Variants in MORN1 observed in about 807,000 individuals in gnomAD.
The protein encoded by MORN1 is MORN repeat-containing protein 1.
MORN1 carries 67 observed loss-of-function variants against 61.9 expected under a neutral mutation model. That is an observed-to-expected ratio of 1.08 (90% CI 0.89 to 1.33). The LOEUF (loss-of-function observed/expected upper bound fraction) is 1.33. Ranked by LOEUF, MORN1 falls within the 40% of genes most tolerant of loss-of-function variation. The pLI is 0.00. For missense variants in MORN1, 752 were observed against 691.2 expected (o/e 1.09, Z -0.99); for synonymous variants, 301 against 292.0 (o/e 1.03, Z -0.31).
At chr1:2,333,100 C>T (rs1015004632) in intron 12 of MORN1, among the ~76,000 whole-genome samples, 31 of 152,244 alleles carry the variant, frequency 2.0e-4, no homozygotes, top group Non-Finnish European at 2.1e-4. Context: ...GATAAAAAGG[C>T]GACCAGGTGT....
At chr1:2,388,636 A>T (rs1325699115) in intron 2 of MORN1, 1 of 340,236 alleles carries the variant, frequency 2.9e-6, no homozygotes, top group Non-Finnish European at 5.5e-6. Context: ...AAAATTAGCC[A>T]GGTGTGGTGG....
At position 2,352,196 on chromosome 1, in the gene MORN1, AAAG is replaced by A. The variant is rs545501598; in HGVS notation, c.1036+5233_1036+5235del. On this transcript the variant is annotated intron_variant, in intron 10 of 13. Transcript: ENST00000378531. ...TAAATGTATAGAGCAATTAAAAAAA[AAAG>A]AAGAAGGGGAGGGTGCTTCTCCTTG... 590 of 220,502 alleles carry A rather than the reference AAAG, an allele frequency of 2.7e-3. 3 individuals carry two copies. The highest frequency in any genetic ancestry group is 7.2e-3 in the South Asian group (82 of 11,394). 13.7% of individuals were successfully genotyped at this position (220,502 alleles called of 1,614,324 possible). A position where few individuals can be genotyped will look rare whatever the true frequency, so the allele number is the denominator to read the frequency against.
intron 10 of MORN1, among the ~76,000 whole-genome samples, chr1:2,346,564 T>G (rs960068827): frequency 1.3e-5 from 2 of 152,058 alleles, no homozygotes; most frequent in African/African-American, 4.8e-5. Context: ...TTTTGTATTT[T>G]TAGTAGGGAT....
chr1:2,331,819 C>T (rs893094494), intron 12 of MORN1, among the ~76,000 whole-genome samples: 5 of 151,894 alleles, frequency 3.3e-5, no homozygotes, highest in Admixed American at 6.6e-5. Flanking sequence ...GCGCCTCTCC[C>T]GCCGCTGCGC....
At chr1:2,330,438 G>GC (rs1006278395) in intron 12 of MORN1, among the ~76,000 whole-genome samples, 2 of 152,278 alleles carry the variant, frequency 1.3e-5, no homozygotes, top group African/African-American at 4.8e-5. Context: ...CAGGTGAGGA[G>GC]CCCAGGTGCT....
chr1:2,345,888 C>T (rs892993731), intron 10 of MORN1, among the ~76,000 whole-genome samples: 1 of 152,000 alleles, frequency 6.6e-6, no homozygotes, highest in Non-Finnish European at 1.5e-5. Flanking sequence ...ACGCACACCC[C>T]GAGCTCACAC....
chr1:2,337,486 C>A lies in MORN1; in HGVS notation c.1037-636G>T, dbSNP rs1641305643. On this transcript the variant is annotated intron_variant, in intron 10 of 13. Transcript: ENST00000378531. The surrounding 1 kb of genome is among the most constrained non-coding windows in gnomAD (Gnocchi z 5.7). ...CCTTGCCCAACCTAGCTTTTTCCAGCCCCTCTCCCGGGGTCCCAGGGTGCG... is the reference window on the plus strand; with the variant it reads ...CCTTGCCCAACCTAGCTTTTTCCAGACCCTCTCCCGGGGTCCCAGGGTGCG... 6.6e-6 allele frequency among the ~76,000 whole-genome samples: 1 copy of A among 152,208 alleles called. No homozygotes were observed. The highest frequency in any genetic ancestry group is 6.5e-5 in the Admixed American group (1 of 15,284).
At chr1:2,355,394 C>G (rs1203160205) in intron 10 of MORN1, 1 of 1,549,378 alleles carries the variant, frequency 6.5e-7, no homozygotes, top group African/African-American at 1.4e-5. Context: ...ATGAATGACG[C>G]CTGCGCTTGC....
intron 10 of MORN1, chr1:2,355,483 G>T (rs946059082): frequency 1.8e-5 from 28 of 1,550,156 alleles, no homozygotes; most frequent in Admixed American, 1.6e-4. Context: ...ACAGACCCCC[G>T]AGGCTCTGAG....
chr1:2,341,702 A>G (rs991644166), intron 10 of MORN1, among the ~76,000 whole-genome samples: 1 of 143,672 alleles, frequency 7.0e-6, no homozygotes, highest in African/African-American at 2.5e-5. Context: ...GAAAAAAAAA[A>G]AAAAAAAAGA....
chr1:2,357,344 C>G lies in MORN1; in HGVS notation c.1036+88G>C, dbSNP rs1388692870. The G allele has an allele frequency of 5.5e-6, 8 of 1,446,750 alleles. No homozygotes were observed. The highest frequency in any genetic ancestry group is 1.9e-6 in the Non-Finnish European group (2 of 1,070,352). 89.6% of individuals were successfully genotyped at this position (1,446,750 alleles called of 1,614,324 possible). ...GGGTGCGGCTTGCTCCTGCTCTGGC[C>G]TGGTTCTGGGTCCCCATGACCCCAC... On this transcript the variant is annotated intron_variant, in intron 10 of 13. Coordinates refer to ENST00000378531, the MANE Select transcript of MORN1 (RefSeq NM_024848.3). The surrounding 1 kb of genome is among the most constrained non-coding windows in gnomAD (Gnocchi z 6.3).
At chr1:2,379,914 G>GAGTT (rs1271831974) in intron 6 of MORN1, among the ~76,000 whole-genome samples, 1 of 152,214 alleles carries the variant, frequency 6.6e-6, no homozygotes, top group African/African-American at 2.4e-5. Context: ...GGGCCTTGAA[G>GAGTT]AGTTCTCTGT....
chr1:2,391,459 G>C lies in MORN1; in HGVS notation c.75C>G (p.Asn25Lys). ...RRDPPRRPPR[N>K]GYGVYVYPNS... is the part of the protein sequence containing the mutation. ...TGTCCCGTGGCCCGCAGTCGTTACC[G>C]TTCCGGGGCGGCCGCCTAGGCGGGT... Residue 25 changes from asparagine (N) to lysine (K), a missense_variant and splice_region_variant, in exon 1 of 14, where the codon AAC becomes AAG. By Grantham distance (94) the Asn-to-Lys change is moderately conservative (BLOSUM62 0). Transcript: ENST00000378531. 1 of 1,255,342 alleles carries C rather than the reference G, an allele frequency of 8.0e-7. No homozygotes were observed. 77.8% of individuals were successfully genotyped at this position (1,255,342 alleles called of 1,614,324 possible). A position where few individuals can be genotyped will look rare whatever the true frequency, so the allele number is the denominator to read the frequency against.
In MORN1 at chr1:2,357,525, C is replaced by T. The variant is rs1189073241; in HGVS notation, c.943G>A (p.Gly315Arg). Reference sequence around the variant, plus strand: ...GGCAGGGGCACGTCGGCTTCTGCCCCTCCCTTGGCAGCTCTGGGCCCCGGC... The same window carrying T: ...GGCAGGGGCACGTCGGCTTCTGCCCTTCCCTTGGCAGCTCTGGGCCCCGGC... ...GVPGPRAAKGGAEADVPLPRG... is the reference protein window; with the variant it reads ...GVPGPRAAKGRAEADVPLPRG... Residue 315 changes from glycine (G) to arginine (R), a missense_variant, in exon 10 of 14, where the codon GGG becomes AGG. Coordinates refer to ENST00000378531, the MANE Select transcript of MORN1 (RefSeq NM_024848.3). The surrounding 1 kb of genome is among the most constrained non-coding windows in gnomAD (Gnocchi z 6.3). 4 of 1,612,788 alleles carry T rather than the reference C, an allele frequency of 2.5e-6. No homozygotes were observed. The highest frequency in any genetic ancestry group is 1.7e-5 in the Admixed American group (1 of 59,968).
At chr1:2,321,975 G>C in intron 13 of MORN1, 1 of 970,364 alleles carries the variant, frequency 1.0e-6, no homozygotes, top group Non-Finnish European at 1.2e-6. Context: ...TACTTTTTTA[G>C]GAGAAAAATA....
At chr1:2,363,805 CAA>C (rs1553217338) in intron 8 of MORN1, among the ~76,000 whole-genome samples, 5 of 124,856 alleles carry the variant, frequency 4.0e-5, no homozygotes, top group African/African-American at 9.5e-5. Flanking sequence ...AACAAACAAA[CAA>C]AAAAATATAT....
intron 13 of MORN1, chr1:2,322,753 G>A: frequency 1.0e-6 from 1 of 985,452 alleles, no homozygotes; most frequent in Non-Finnish European, 1.2e-6. Flanking sequence ...ACCAGTGGTG[G>A]CCAAGGCGCT....
At chr1:2,340,978 C>G (rs556452691) in intron 10 of MORN1, among the ~76,000 whole-genome samples, 7 of 152,282 alleles carry the variant, frequency 4.6e-5, no homozygotes, top group African/African-American at 9.6e-5. Context: ...CACGAGACCA[C>G]GACGCGGGCT....
chr1:2,328,461 A>T (rs1641081708), intron 12 of MORN1, among the ~76,000 whole-genome samples: 1 of 152,194 alleles, frequency 6.6e-6, no homozygotes, highest in South Asian at 2.1e-4. Flanking sequence ...GGCCACCAGG[A>T]TGTGCCGGGA....
Sources: gnomAD v4.1 joint callset for allele counts (sites outside exome capture counted in the v4.1 genomes callset) on GRCh38, gnomAD v4.1.1 for gene constraint, Gnocchi (gnomAD v3.1) non-coding constraint, MANE v1.5 for transcripts, NCBI Gene and HGNC (gene_info 2026-07-23, HGNC 2026-07-21) for gene names.